The following ZNF750 variants were observed in gnomAD, a reference collection of about 807,000 sequenced individuals.
ZNF750 encodes the protein protein ZNF750.
In ZNF750, 10 loss-of-function variants were observed where a neutral mutation model predicts 31.6. The ratio of observed to expected loss-of-function variants is 0.32; its 90% CI spans 0.19 to 0.54. The LOEUF (loss-of-function observed/expected upper bound fraction) is 0.54, where lower values mean the gene tolerates loss of function less well. Among genes scored for constraint, ZNF750 ranks in the 20% least tolerant of loss-of-function variants. The pLI is 0.95. For missense variants in ZNF750, 914 were observed against 934.9 expected (o/e 0.98, Z 0.29); for synonymous variants, 400 against 404.9 (o/e 0.99, Z 0.15).
chr17:82,830,983 A>G (rs747379861), intron 2 of ZNF750, 36 bp downstream of exon 2: 4 of 1,613,690 alleles, frequency 2.5e-6, no homozygotes, highest in South Asian at 1.1e-5. Context: ...AACCAGAAAC[A>G]TTCCCTTGGA....
At position 82,830,175 on chromosome 17, in the gene ZNF750, C is replaced by T. The variant is rs1160308844; in HGVS notation, c.2139G>A (p.Val713=). The change falls in exon 3 of 3, where the codon GTG becomes GTA. Residue 713 remains valine, a synonymous_variant. Transcript: ENST00000269394. ...KKAKLQDTAR[V]FTLRRRARVS Reference sequence around the variant, plus strand: ...CCCGGGCCCTCCTTCGTAGTGTGAACACTCTGGCCGTGTCCTGCAGCTTCG... The same window carrying T: ...CCCGGGCCCTCCTTCGTAGTGTGAATACTCTGGCCGTGTCCTGCAGCTTCG... 2 of 1,614,192 alleles carry T rather than the reference C, an allele frequency of 1.2e-6. No homozygotes were observed. Among genetic ancestry groups the T allele is most frequent in the Middle Eastern group, 3.3e-4 (2 of 6,004 alleles).
rs531996649 is a variant in ZNF750 at position 82,830,152 on chromosome 17, C to T, written c.2162G>A (p.Arg721Gln). 2.5e-6 allele frequency: 4 copies of T among 1,613,812 alleles called. No individual in the cohort carries two copies. Among genetic ancestry groups the T allele is most frequent in the Admixed American group, 1.7e-5 (1 of 60,030 alleles). The change falls in exon 3 of 3, where the codon CGG becomes CAG. Residue 721 changes from arginine to glutamine, a missense_variant. By Grantham distance (43) the Arg-to-Gln change is conservative. Coordinates refer to ENST00000269394, the MANE Select transcript of ZNF750 (RefSeq NM_024702.3). ...CGTGTGAACCCGGCGTTAGGACACCCGGGCCCTCCTTCGTAGTGTGAACAC... is the reference window on the plus strand; with the variant it reads ...CGTGTGAACCCGGCGTTAGGACACCTGGGCCCTCCTTCGTAGTGTGAACAC... ...ARVFTLRRRA[R>Q]VS
chr17:82,839,231 A>G (rs1270538757), intron 1 of ZNF750, among the ~76,000 whole-genome samples: 1 of 152,224 alleles, frequency 6.6e-6, no homozygotes, highest in South Asian at 2.1e-4. Context: ...ATATAACCCT[A>G]AATTCAGCTG....
In ZNF750 at chr17:82,830,228, C is replaced by T; in HGVS notation, c.2086G>A (p.Gly696Arg). ...TTCTTAGCTCCTTGCTGGGATTTTC[C>T]AGCATCCCTTAGACTTGTCCTCTTT... ...GQKRTSLRDAGKSQQGAKKAK... is the reference protein window; with the variant it reads ...GQKRTSLRDARKSQQGAKKAK... The change falls in exon 3 of 3, where the codon GGA becomes AGA. Residue 696 changes from glycine (G) to arginine (R), a missense_variant. Physicochemically the swap from Gly to Arg is moderately radical, Grantham distance 125. Around this residue, in one of 2 missense-constraint regions of ZNF750, gnomAD observed 880 missense variants for 868.9 expected, o/e 1.01. Coordinates refer to ENST00000269394, the MANE Select transcript of ZNF750 (RefSeq NM_024702.3). 6.2e-7 allele frequency: 1 copy of T among 1,614,220 alleles called. No individual in the cohort carries two copies. Among genetic ancestry groups the T allele is most frequent in the Non-Finnish European group, 8.5e-7 (1 of 1,180,038 alleles).
intron 1 of ZNF750, chr17:82,838,991 A>G (rs1185281076): frequency 5.1e-6 from 5 of 984,962 alleles, no homozygotes; most frequent in Non-Finnish European, 4.8e-6. Flanking sequence ...AATCAAGTTT[A>G]TGAGAAATTT....
chr17:82,832,590 G>A lies in ZNF750; in HGVS notation c.-136C>T. 1.3e-6 allele frequency: 1 copy of A among 787,300 alleles called. No homozygotes were observed. Among genetic ancestry groups the A allele is most frequent in the South Asian group, 1.5e-5 (1 of 67,206 alleles). 48.8% of individuals were successfully genotyped at this position (787,300 alleles called of 1,614,324 possible). A position where few individuals can be genotyped will look rare whatever the true frequency, so the allele number is the denominator to read the frequency against. On this transcript the variant is annotated 5_prime_UTR_variant, in exon 2 of 3. Coordinates refer to ENST00000269394, the MANE Select transcript of ZNF750 (RefSeq NM_024702.3). The surrounding 1 kb of genome is among the most constrained non-coding windows in gnomAD (Gnocchi z 4.9). ...ATCACTTCTATCAGAAGCCAGCTCT[G>A]CGTGCTGAGGGTCTGGCGAGAGCCT...
intron 1 of ZNF750, among the ~76,000 whole-genome samples, chr17:82,839,165 T>C (rs1220541050): frequency 6.6e-6 from 1 of 152,242 alleles, no homozygotes; most frequent in Non-Finnish European, 1.5e-5. Flanking sequence ...TTAAAACTAT[T>C]AAAAGTTAAA....
chr17:82,838,592 T>C (rs2054186611), intron 1 of ZNF750: 1 of 951,166 alleles, frequency 1.1e-6, no homozygotes, highest in Admixed American at 6.2e-5. Flanking sequence ...CATTGTCGCC[T>C]ACCCACTGTG....
chr17:82,832,122 G>T lies in ZNF750; in HGVS notation c.333C>A (p.Ile111=). The change falls in exon 2 of 3, where the codon ATC becomes ATA. Residue 111 remains isoleucine, a synonymous_variant. Transcript: ENST00000269394. This position sits in a 1 kb window ranked among gnomAD's most constrained non-coding sequence, Gnocchi z 4.9. ...GGGCTTGCAGCTCCAGGTTTTCCTT[G>T]ATGTCTTCCCTGGCAGAGCTGTGCT... ...KLQHSSARED[I]KENLELQARG... 6.2e-7 allele frequency: 1 copy of T among 1,614,248 alleles called. No individual in the cohort carries two copies. Among genetic ancestry groups the T allele is most frequent in the Non-Finnish European group, 8.5e-7 (1 of 1,180,040 alleles).
intron 1 of ZNF750, among the ~76,000 whole-genome samples, chr17:82,834,713 G>A (rs2001310): frequency 0.11 from 15,596 of 142,664 alleles, 1,092 homozygotes; most frequent in South Asian, 0.31. Context: ...ACCAGGGCCT[G>A]TTTAGGGGTG....
chr17:82,834,387 T>G (rs1240004489), intron 1 of ZNF750, among the ~76,000 whole-genome samples: 1 of 152,106 alleles, frequency 6.6e-6, no homozygotes, highest in Admixed American at 6.5e-5. Flanking sequence ...GCACTTTAAT[T>G]CGTATTAAAA....
chr17:82,831,390 C>T lies in ZNF750; in HGVS notation c.1065G>A (p.Leu355=), dbSNP rs142576643. 14 of 1,613,966 alleles carry T rather than the reference C, an allele frequency of 8.7e-6. No individual in the cohort carries two copies. Among genetic ancestry groups the T allele is most frequent in the African/African-American group, 4.0e-5 (3 of 74,906 alleles). The change falls in exon 2 of 3, where the codon CTG becomes CTA. Residue 355 remains leucine, a synonymous_variant. Transcript: ENST00000269394. This position sits in a 1 kb window ranked among gnomAD's most constrained non-coding sequence, Gnocchi z 4.6. ...TGGAAGGACTCGAGGCTGGATAGAC[C>T]AGGGTGGCTTCTTCAAGCAGGTGAG... The part of the protein sequence containing the change: ...QSSHLLEEAT[L]VYPASSPSRL...
In ZNF750 at chr17:82,831,858, G is replaced by A; in HGVS notation, c.597C>T (p.Ala199=). Residue 199 remains alanine, a synonymous_variant, in exon 2 of 3, where the codon GCC becomes GCT. Transcript: ENST00000269394. This position sits in a 1 kb window ranked among gnomAD's most constrained non-coding sequence, Gnocchi z 4.6. ...TCCAGGGGTAGCCAGGAGTGTGGAAGGCCGACTTGGTGTGGAAAGACACGG... is the reference window on the plus strand; with the variant it reads ...TCCAGGGGTAGCCAGGAGTGTGGAAAGCCGACTTGGTGTGGAAAGACACGG... ...AKAVSFHTKS[A]FHTPGYPWKA... is the part of the protein sequence containing the mutation. 4.3e-6 allele frequency: 7 copies of A among 1,614,214 alleles called. No individual in the cohort carries two copies. The highest frequency in any genetic ancestry group is 5.9e-6 in the Non-Finnish European group (7 of 1,180,040).
intron 2 of ZNF750, 26 bp downstream of exon 2, chr17:82,830,993 A>G: frequency 6.2e-7 from 1 of 1,613,864 alleles, no homozygotes; most frequent in Non-Finnish European, 8.5e-7. Context: ...ATTCCCTTGG[A>G]GGTTTTGAAA....
intron 1 of ZNF750, among the ~76,000 whole-genome samples, chr17:82,839,156 T>C (rs2054243416): frequency 6.6e-6 from 1 of 152,234 alleles, no homozygotes; most frequent in South Asian, 2.1e-4. Context: ...TTTTAAACTT[T>C]AAAACTATTA....
At chr17:82,837,462 A>T (rs1185924038) in intron 1 of ZNF750, among the ~76,000 whole-genome samples, 1 of 152,168 alleles carries the variant, frequency 6.6e-6, no homozygotes, top group African/African-American at 2.4e-5. Flanking sequence ...TTTTCTCTAG[A>T]GGGGATAAAG....
In ZNF750 at chr17:82,832,273, C is replaced by T. The variant is rs375467494; in HGVS notation, c.182G>A (p.Arg61Gln). 168 of 1,614,186 alleles carry T rather than the reference C, an allele frequency of 1.0e-4. No homozygotes were observed. Among genetic ancestry groups the T allele is most frequent in the Non-Finnish European group, 1.3e-4 (156 of 1,180,040 alleles). Reference protein sequence around the residue: ...NSITLVSEQDRVPKCPKSNSL... With the variant: ...NSITLVSEQDQVPKCPKSNSL... ...GTTAGATTTAGGGCACTTGGGAACT[C>T]GATCCTGCTCTGATACTAAAGTAAT... is the stretch of plus-strand genomic sequence containing the variant. Residue 61 changes from arginine to glutamine, a missense_variant, in exon 2 of 3, where the codon CGA becomes CAA. By Grantham distance (43) the Arg-to-Gln change is conservative. Around this residue, in one of 2 missense-constraint regions of ZNF750, gnomAD observed 880 missense variants for 868.9 expected, o/e 1.01. Transcript: ENST00000269394. The surrounding 1 kb of genome is among the most constrained non-coding windows in gnomAD (Gnocchi z 4.9).
chr17:82,831,836 A>G lies in ZNF750; in HGVS notation c.619T>C (p.Trp207Arg). Residue 207 changes from tryptophan (W) to arginine (R), a missense_variant, in exon 2 of 3, where the codon TGG becomes CGG. Trp to Arg is a moderately radical substitution (Grantham distance 101). Coordinates refer to ENST00000269394, the MANE Select transcript of ZNF750 (RefSeq NM_024702.3). This position sits in a 1 kb window ranked among gnomAD's most constrained non-coding sequence, Gnocchi z 4.6. ...GGAAGGAAAGGTGAGCCGGCTTTCC[A>G]GGGGTAGCCAGGAGTGTGGAAGGCC... ...KSAFHTPGYP[W>R]KAGSPFLPPE... 3.7e-6 allele frequency: 6 copies of G among 1,614,182 alleles called. No individual in the cohort carries two copies. Among genetic ancestry groups the G allele is most frequent in the Non-Finnish European group, 5.1e-6 (6 of 1,180,034 alleles).
In ZNF750 at chr17:82,831,632, C is replaced by A. The variant is rs2053521612; in HGVS notation, c.823G>T (p.Val275Phe). The change falls in exon 2 of 3, where the codon GTC (valine) becomes TTC (phenylalanine). Residue 275 changes from valine to phenylalanine, a missense_variant. By Grantham distance (50) the Val-to-Phe change is conservative. Transcript: ENST00000269394. The surrounding 1 kb of genome is among the most constrained non-coding windows in gnomAD (Gnocchi z 4.6). ...SPECDAPLLS[V>F]YGTQDPRHFL... ...TGTCTCGGGTCTTGGGTTCCGTAGA[C>A]TGACAGCAGGGGTGCGTCACACTCA... 1.9e-6 allele frequency: 3 copies of A among 1,614,126 alleles called. No homozygotes were observed. The East Asian group carries it at 6.7e-5, about 36-fold the overall frequency.
Sources: gnomAD v4.1 joint callset for allele counts (sites outside exome capture counted in the v4.1 genomes callset) on GRCh38, gnomAD v4.1.1 for gene constraint, gnomAD v4.1.1 regional missense constraint, Gnocchi (gnomAD v3.1) non-coding constraint, MANE v1.5 for transcripts, NCBI Gene and HGNC (gene_info 2026-07-23, HGNC 2026-07-21) for gene names.